Variants in CENPW observed in about 807,000 individuals in gnomAD.
The protein encoded by CENPW is cancer-up-regulated gene 2 protein.
Under a neutral mutation model 11.1 loss-of-function variants are expected in CENPW, and 3 were observed. The observed-to-expected ratio is 0.27, with a 90% CI of 0.12 to 0.70. CENPW has a LOEUF of 0.70. Among genes scored for constraint, CENPW ranks in the 30% least tolerant of loss-of-function variants. The pLI, the probability that CENPW is intolerant of heterozygous loss-of-function variation, is 0.77. For synonymous variants in CENPW, 38 were observed against 42.0 expected (o/e 0.91, Z 0.37); for missense variants, 100 against 105.6 (o/e 0.95, Z 0.23).
At chr6:126,468,420 C>CAAAAAAAAAAAAAAAAAAAAAAA in the CENPW span, among the ~76,000 whole-genome samples, 1 of 53,534 alleles carries the variant, frequency 1.9e-5, no homozygotes, top group Non-Finnish European at 3.2e-5. Context: ...AACTCTGTCT[C>CAAAAAAAAAAAAAAAAAAAAAAA]AAAAAAAAAA....
At chr6:126,442,281 C>A in the CENPW span, among the ~76,000 whole-genome samples, 2 of 151,416 alleles carry the variant, frequency 1.3e-5, no homozygotes, top group African/African-American at 4.8e-5. Context: ...ATGATCTTAG[C>A]CCTTTTTTTG....
the CENPW span, among the ~76,000 whole-genome samples, chr6:126,408,628 GAGATTTTTT>G: frequency 1.1e-4 from 17 of 152,234 alleles, no homozygotes; most frequent in African/African-American, 3.6e-4. Flanking sequence ...ATTGAAATGG[GAGATTTTTT>G]ATTACAGGTT....
the CENPW span, among the ~76,000 whole-genome samples, chr6:126,369,931 C>T: frequency 6.6e-6 from 1 of 152,068 alleles, no homozygotes; most frequent in Non-Finnish European, 1.5e-5. Context: ...ATCTGTGATC[C>T]ATCTTGAGTT....
the CENPW span, among the ~76,000 whole-genome samples, chr6:126,430,825 C>T: frequency 6.6e-6 from 1 of 151,906 alleles, no homozygotes; most frequent in Non-Finnish European, 1.5e-5. Context: ...GAGGCTGAGG[C>T]AGGAGAATTG....
chr6:126,361,512 G>A, the CENPW span, among the ~76,000 whole-genome samples: 1 of 152,156 alleles, frequency 6.6e-6, no homozygotes. Flanking sequence ...AGCCAGGATG[G>A]TCTTGATCTC....
the CENPW span, among the ~76,000 whole-genome samples, chr6:126,475,545 T>C: frequency 3.9e-5 from 6 of 152,036 alleles, no homozygotes; most frequent in Admixed American, 3.9e-4. Flanking sequence ...AACTATAACC[T>C]AGGTAAAATA....
At chr6:126,455,801 A>T in the CENPW span, among the ~76,000 whole-genome samples, 1 of 151,328 alleles carries the variant, frequency 6.6e-6, no homozygotes, top group Non-Finnish European at 1.5e-5. Flanking sequence ...AGATGACATG[A>T]ATCTATATCT....
the CENPW span, among the ~76,000 whole-genome samples, chr6:126,393,884 C>T: frequency 3.3e-5 from 5 of 151,374 alleles, no homozygotes; most frequent in African/African-American, 1.2e-4. Flanking sequence ...TATATAATGA[C>T]ATTCTTTGTC....
chr6:126,414,940 G>T, the CENPW span, among the ~76,000 whole-genome samples: 1 of 151,850 alleles, frequency 6.6e-6, no homozygotes, highest in African/African-American at 2.4e-5. Context: ...GAAATACAAA[G>T]GATCATTAGC....
the CENPW span, among the ~76,000 whole-genome samples, chr6:126,467,625 A>C: frequency 1.3e-5 from 2 of 152,280 alleles, no homozygotes; most frequent in Non-Finnish European, 2.9e-5. Context: ...TACTGATATA[A>C]ATGATTGAAT....
chr6:126,401,675 A>G, the CENPW span, among the ~76,000 whole-genome samples: 1 of 152,032 alleles, frequency 6.6e-6, no homozygotes, highest in Admixed American at 6.6e-5. Flanking sequence ...TGTGAGATAA[A>G]GGAGATGGAT....
the CENPW span, among the ~76,000 whole-genome samples, chr6:126,402,726 G>A: frequency 6.6e-6 from 1 of 151,956 alleles, no homozygotes; most frequent in African/African-American, 2.4e-5. Flanking sequence ...TCTATTGTAT[G>A]GATATACCAC....
the CENPW span, among the ~76,000 whole-genome samples, chr6:126,394,368 G>C: frequency 6.6e-6 from 1 of 151,910 alleles, no homozygotes; most frequent in South Asian, 2.1e-4. Context: ...ATTTCAAACT[G>C]ATGACTAGTT....
At chr6:126,454,630 CTAAT>C in the CENPW span, among the ~76,000 whole-genome samples, 2 of 150,992 alleles carry the variant, frequency 1.3e-5, no homozygotes, top group Non-Finnish European at 3.0e-5. Flanking sequence ...AGAAAGATCT[CTAAT>C]TAATAACCTA....
At chr6:126,406,589 C>T in the CENPW span, among the ~76,000 whole-genome samples, 1 of 152,124 alleles carries the variant, frequency 6.6e-6, no homozygotes, top group Non-Finnish European at 1.5e-5. Context: ...CACAGTGGCT[C>T]ATGCCTGTAA....
the CENPW span, among the ~76,000 whole-genome samples, chr6:126,368,880 C>T: frequency 2.6e-5 from 4 of 152,066 alleles, no homozygotes; most frequent in African/African-American, 4.8e-5. Context: ...CTCCTGATCT[C>T]GTGATCCACG....
chr6:126,426,719 T>C, the CENPW span, among the ~76,000 whole-genome samples: 1 of 152,052 alleles, frequency 6.6e-6, no homozygotes, highest in Non-Finnish European at 1.5e-5. Context: ...TACAAAAATT[T>C]AATAGAAATG....
At chr6:126,457,854 T>C in the CENPW span, among the ~76,000 whole-genome samples, 1 of 151,322 alleles carries the variant, frequency 6.6e-6, no homozygotes, top group Non-Finnish European at 1.5e-5. Context: ...AACTCACAGA[T>C]CATTCTATGA....
the CENPW span, among the ~76,000 whole-genome samples, chr6:126,421,896 C>A: frequency 6.6e-6 from 1 of 152,108 alleles, no homozygotes; most frequent in Admixed American, 6.6e-5. Flanking sequence ...TGGCTTTAAT[C>A]ATCATGGTTA....
Sources: gnomAD v4.1 joint callset for allele counts (sites outside exome capture counted in the v4.1 genomes callset) on GRCh38, gnomAD v4.1.1 for gene constraint, MANE v1.5 for transcripts, NCBI Gene and HGNC (gene_info 2026-07-23, HGNC 2026-07-21) for gene names.